Variants in MKNK1 observed in about 807,000 individuals in gnomAD.
The protein encoded by MKNK1 is MAPK interacting serine/threonine kinase 1, also known as MAP kinase-interacting serine/threonine-protein kinase 1.
In MKNK1, 30 loss-of-function variants were observed where a neutral mutation model predicts 49.3. The observed-to-expected ratio is 0.61, with a 90% CI of 0.46 to 0.83. The LOEUF is 0.83. Among genes scored for constraint, MKNK1 ranks in the 40% least tolerant of loss-of-function variants. The probability of loss-of-function intolerance (pLI) is 0.00; values close to 1 mark genes in which losing one functional copy is unlikely to be tolerated. For missense variants in MKNK1, 423 were observed against 524.7 expected (o/e 0.81, Z 1.89); for synonymous variants, 176 against 201.7 (o/e 0.87, Z 1.08).
At chr1:46,586,100 C>A in intron 2 of MKNK1, 1 of 380,174 alleles carries the variant, frequency 2.6e-6, no homozygotes, top group Non-Finnish European at 5.2e-6. Context: ...CCATGTGGAG[C>A]CTGGCCACAC....
chr1:46,565,174 G>GAAACT (rs1173360781), intron 8 of MKNK1, 38 bp from the exon 9 acceptor site: 1 of 1,589,020 alleles, frequency 6.3e-7, no homozygotes, highest in African/African-American at 1.3e-5. Context: ...ACAGATATAA[G>GAAACT]AAACTACGGG....
At chr1:46,574,900 C>T (rs1316994789) in intron 6 of MKNK1, 47 bp downstream of exon 6, 2 of 1,278,012 alleles carry the variant, frequency 1.6e-6, no homozygotes, top group Non-Finnish European at 2.3e-6. Flanking sequence ...ATGATCACCA[C>T]CCTGGGTCTT....
intron 3 of MKNK1, among the ~76,000 whole-genome samples, chr1:46,581,648 T>C (rs1379751868): frequency 6.6e-6 from 1 of 152,006 alleles, no homozygotes; most frequent in African/African-American, 2.4e-5. Flanking sequence ...GTGTAAGCAC[T>C]GGCTATACAA....
rs970443712 is a variant in MKNK1 at position 46,557,739 on chromosome 1, G to T, written c.*836C>A. 3 of 152,280 alleles carry T rather than the reference G, an allele frequency of 2.0e-5. No individual in the cohort carries two copies. The highest frequency in any genetic ancestry group is 7.2e-5 in the African/African-American group (3 of 41,440). The allele number at this position is 152,280 out of a possible 1,614,324, so 9.4% of individuals were successfully genotyped here. On this transcript the variant is annotated 3_prime_UTR_variant, in exon 13 of 13. Coordinates refer to ENST00000371945, the MANE Select transcript of MKNK1 (RefSeq NM_001135553.4). ...TCATCACAGGAACAGCTTAAAATCA[G>T]AATAATAGGGAACTGCTGATTAAAA... is the stretch of plus-strand genomic sequence containing the variant.
rs554527367 is a variant in MKNK1 at position 46,573,216 on chromosome 1, G to A, written c.353-1049C>T. Reference sequence around the variant, plus strand: ...GGCCCAGGGCGTCAGTCAGGCCTCCGAGTCTGTGCAGACATCCCCCAGCAG... The same window carrying A: ...GGCCCAGGGCGTCAGTCAGGCCTCCAAGTCTGTGCAGACATCCCCCAGCAG... On this transcript the variant is annotated intron_variant, in intron 6 of 12. Coordinates refer to ENST00000371945, the MANE Select transcript of MKNK1 (RefSeq NM_001135553.4). 2.5e-4 allele frequency among the ~76,000 whole-genome samples: 38 copies of A among 152,306 alleles called. No homozygotes were observed. The East Asian group carries it at 5.2e-3, about 21-fold the overall frequency.
intron 8 of MKNK1, among the ~76,000 whole-genome samples, chr1:46,565,993 T>G (rs1466447343): frequency 2.0e-5 from 3 of 152,204 alleles, no homozygotes; most frequent in Non-Finnish European, 4.4e-5. Context: ...GCATAAAATA[T>G]GAGATTTTAG....
intron 1 of MKNK1, among the ~76,000 whole-genome samples, chr1:46,602,667 A>AGCTATT (rs58169899): frequency 0.51 from 76,855 of 151,388 alleles, 20,135 homozygotes; most frequent in East Asian, 0.91. Flanking sequence ...AAAGCTCATC[A>AGCTATT]GCTATTGTTA....
intron 2 of MKNK1, among the ~76,000 whole-genome samples, chr1:46,586,602 A>T (rs1312171754): frequency 6.6e-6 from 1 of 152,202 alleles, no homozygotes; most frequent in East Asian, 1.9e-4. Context: ...ATATGAAATG[A>T]CATGCATACT....
chr1:46,577,915 T>C (rs1250450357), intron 4 of MKNK1, among the ~76,000 whole-genome samples: 2 of 152,212 alleles, frequency 1.3e-5, no homozygotes, highest in Non-Finnish European at 2.9e-5. Flanking sequence ...CACAATGACA[T>C]CCTCTTCCTT....
chr1:46,558,917 G>T, intron 12 of MKNK1, 117 bp from the exon 13 acceptor site: 2 of 804,654 alleles, frequency 2.5e-6, no homozygotes, highest in Admixed American at 2.7e-5. Context: ...ATTTCCCAGA[G>T]CTGGGACGGG....
rs746743468 is a variant in MKNK1 at position 46,562,811 on chromosome 1, T to C, written c.642A>G (p.Val214=). 6.8e-6 allele frequency: 11 copies of C among 1,612,710 alleles called. No individual in the cohort carries two copies. Among genetic ancestry groups the C allele is most frequent in the East Asian group, 2.2e-5 (1 of 44,874 alleles). ...CGSAEYMAPE[V]VEVFTDQATF... The stretch of plus-strand genomic sequence containing the variant: ...TGGCCTGGTCCGTGAAGACCTCCAC[T>C]ACCTCAGGGGCCATGTATTCTGCAG... The change falls in exon 10 of 13, where the codon GTA becomes GTG. Residue 214 remains valine, a synonymous_variant. Coordinates refer to ENST00000371945, the MANE Select transcript of MKNK1 (RefSeq NM_001135553.4).
intron 7 of MKNK1, chr1:46,570,389 T>C (rs1202129087): frequency 6.6e-6 from 1 of 152,280 alleles, no homozygotes; most frequent in Non-Finnish European, 1.5e-5. Flanking sequence ...GAGCTGATGC[T>C]ATTCATCATG....
intron 4 of MKNK1, among the ~76,000 whole-genome samples, chr1:46,579,360 T>C (rs1056176389): frequency 6.6e-6 from 1 of 152,220 alleles, no homozygotes; most frequent in Non-Finnish European, 1.5e-5. Context: ...AAAAGACCCT[T>C]TCTCTAGGTC....
At chr1:46,574,663 T>C in intron 6 of MKNK1, 1 of 347,658 alleles carries the variant, frequency 2.9e-6, no homozygotes, top group Non-Finnish European at 5.2e-6. Context: ...AGTGAACATG[T>C]CAAAACGGGA....
chr1:46,562,605 A>AC, intron 10 of MKNK1, 44 bp downstream of exon 10: 1 of 1,524,970 alleles, frequency 6.6e-7, no homozygotes, highest in Non-Finnish European at 8.8e-7. Flanking sequence ...AACCACACTG[A>AC]CCCCTAGCAG....
intron 5 of MKNK1, chr1:46,575,331 A>C: frequency 4.4e-6 from 1 of 228,958 alleles, no homozygotes. Context: ...ACTGAATAAA[A>C]TCTGCAGCCG....
chr1:46,599,814 T>C (rs1283983493), intron 1 of MKNK1, among the ~76,000 whole-genome samples: 1 of 152,340 alleles, frequency 6.6e-6, no homozygotes, highest in South Asian at 2.1e-4. Flanking sequence ...TGGAGATAAA[T>C]AGGCCTATAT....
chr1:46,562,582 C>T (rs1557825882), intron 10 of MKNK1, 67 bp downstream of exon 10: 2 of 1,489,262 alleles, frequency 1.3e-6, no homozygotes. Flanking sequence ...CCCAGTCCTG[C>T]TTGGCATCCC....
intron 5 of MKNK1, chr1:46,576,259 G>A (rs1670935846): frequency 6.5e-6 from 2 of 307,398 alleles, no homozygotes; most frequent in Non-Finnish European, 1.2e-5. Context: ...GCAACACTCA[G>A]TCAACCTAGT....
Sources: gnomAD v4.1 joint callset for allele counts (sites outside exome capture counted in the v4.1 genomes callset) on GRCh38, gnomAD v4.1.1 for gene constraint, MANE v1.5 for transcripts, NCBI Gene and HGNC (gene_info 2026-07-23, HGNC 2026-07-21) for gene names.